GRIK4: variants seen among roughly 807,000 people sequenced by gnomAD.
GRIK4 encodes glutamate receptor ionotropic, kainate 4.
In GRIK4, 40 loss-of-function variants were observed where a neutral mutation model predicts 104.9. The observed-to-expected ratio is 0.38, with a 90% CI of 0.30 to 0.50. GRIK4 has a LOEUF of 0.50. Ranked by LOEUF, GRIK4 falls within the 20% of genes least tolerant of loss-of-function variation. The pLI is 0.93. For synonymous variants in GRIK4, 485 were observed against 524.9 expected, an observed-to-expected ratio of 0.92 and a Z score of 1.04; for missense variants, 1,047 against 1,308.1, an observed-to-expected ratio of 0.80 and a Z score of 3.08.
chr11:120,517,369 G>A (rs1030381865), intron 1 of GRIK4, among the ~76,000 whole-genome samples: 2 of 148,948 alleles, frequency 1.3e-5, no homozygotes, highest in Non-Finnish European at 3.0e-5. Context: ...AGGCTCCTTG[G>A]TGCGATCCTC....
At chr11:120,835,273 A>G (rs1953544071) in intron 7 of GRIK4, among the ~76,000 whole-genome samples, 1 of 152,136 alleles carries the variant, frequency 6.6e-6, no homozygotes, top group Non-Finnish European at 1.5e-5. Flanking sequence ...CACGCCTGTA[A>G]TCCCAGCACT....
intron 1 of GRIK4, among the ~76,000 whole-genome samples, chr11:120,563,818 G>A (rs1046042219): frequency 6.6e-6 from 1 of 152,196 alleles, no homozygotes; most frequent in Non-Finnish European, 1.5e-5. Flanking sequence ...TCCACCTGCT[G>A]TTTCACTGCT....
intron 1 of GRIK4, among the ~76,000 whole-genome samples, chr11:120,582,305 T>C (rs1948595407): frequency 6.6e-6 from 1 of 151,772 alleles, no homozygotes; most frequent in African/African-American, 2.4e-5. Flanking sequence ...TATATATGTG[T>C]ATATATATAA....
intron 5 of GRIK4, among the ~76,000 whole-genome samples, chr11:120,818,668 GA>G (rs2135540831): frequency 6.6e-6 from 1 of 152,328 alleles, no homozygotes; most frequent in East Asian, 1.9e-4. Flanking sequence ...TAAAGTAGGA[GA>G]CTCCTACAGA....
chr11:120,950,065 A>G (rs1943962075), intron 14 of GRIK4, among the ~76,000 whole-genome samples: 2 of 152,232 alleles, frequency 1.3e-5, no homozygotes, highest in African/African-American at 2.4e-5. Flanking sequence ...AACCATCCAC[A>G]TAGAAAAAAA....
intron 19 of GRIK4, among the ~76,000 whole-genome samples, chr11:120,972,897 G>T (rs576967349): frequency 2.0e-5 from 3 of 152,036 alleles, no homozygotes; most frequent in Non-Finnish European, 4.4e-5. Context: ...CGTAAGAGGC[G>T]GCACGTAGGG....
chr11:120,926,971 G>A (rs988291685), intron 13 of GRIK4, among the ~76,000 whole-genome samples: 1 of 152,212 alleles, frequency 6.6e-6, no homozygotes, highest in Admixed American at 6.5e-5. Context: ...TGATGGCATG[G>A]TGCTTGAGCT....
At chr11:120,718,977 C>T (rs776066159) in intron 3 of GRIK4, among the ~76,000 whole-genome samples, 25 of 152,168 alleles carry the variant, frequency 1.6e-4, no homozygotes, top group Non-Finnish European at 3.2e-4. Context: ...CCTCCCCTTT[C>T]TAGAATAAGG....
At chr11:120,579,919 C>G (rs1948546812) in intron 1 of GRIK4, among the ~76,000 whole-genome samples, 1 of 152,172 alleles carries the variant, frequency 6.6e-6, no homozygotes. Flanking sequence ...CCCCACCTCC[C>G]ACCCTTGGCG....
chr11:120,695,593 C>CT (rs1950433375), intron 3 of GRIK4, among the ~76,000 whole-genome samples: 1 of 152,092 alleles, frequency 6.6e-6, no homozygotes. Context: ...CCTGCGGGGT[C>CT]TGGCCTACCC....
intron 13 of GRIK4, among the ~76,000 whole-genome samples, chr11:120,910,616 C>T (rs1314443900): frequency 1.3e-5 from 2 of 152,168 alleles, no homozygotes; most frequent in African/African-American, 2.4e-5. Flanking sequence ...AAGCAGATGC[C>T]CCAGGACTAA....
At chr11:120,610,017 C>G (rs1301225153) in intron 1 of GRIK4, among the ~76,000 whole-genome samples, 1 of 152,182 alleles carries the variant, frequency 6.6e-6, no homozygotes, top group Non-Finnish European at 1.5e-5. Flanking sequence ...TCTCTGTGAG[C>G]CTTTGATATG....
intron 5 of GRIK4, among the ~76,000 whole-genome samples, chr11:120,816,415 G>T (rs1378584973): frequency 1.3e-5 from 2 of 152,102 alleles, no homozygotes; most frequent in African/African-American, 4.8e-5. Context: ...TGGGGGCGGG[G>T]GCAGGGACAT....
chr11:120,702,749 T>C (rs1455440865), intron 3 of GRIK4, among the ~76,000 whole-genome samples: 2 of 152,146 alleles, frequency 1.3e-5, no homozygotes, highest in African/African-American at 4.8e-5. Flanking sequence ...GCTCTGGAGA[T>C]TTTTGTTTCA....
chr11:120,967,130 G>A lies in GRIK4; in HGVS notation c.2267-65G>A. 6.5e-7 allele frequency: 1 copy of A among 1,539,060 alleles called. No homozygotes were observed. Among genetic ancestry groups the A allele is most frequent in the Non-Finnish European group, 8.8e-7 (1 of 1,134,966 alleles). On this transcript the variant is annotated intron_variant, in intron 18 of 20. Transcript: ENST00000527524. The surrounding 1 kb of genome is among the most constrained non-coding windows in gnomAD (Gnocchi z 4.2). ...TGGCCAGGAGGTGTGCCGGGAAGGG[G>A]AGCAGAGTGACACCTAACAGGGCAT...
intron 15 of GRIK4, among the ~76,000 whole-genome samples, chr11:120,954,639 G>C (rs11218082): frequency 0.15 from 22,148 of 152,008 alleles, 2,035 homozygotes; most frequent in East Asian, 0.33. Context: ...CAGCAGCCTA[G>C]AGCTTTCAAC....
At chr11:120,565,375 AT>A (rs759730304) in intron 1 of GRIK4, among the ~76,000 whole-genome samples, 5 of 152,248 alleles carry the variant, frequency 3.3e-5, no homozygotes, top group Non-Finnish European at 7.3e-5. Flanking sequence ...TCCTCCTTTA[AT>A]TAGCAGGAAT....
At chr11:120,901,017 C>A (rs1357865872) in intron 12 of GRIK4, among the ~76,000 whole-genome samples, 2 of 152,206 alleles carry the variant, frequency 1.3e-5, no homozygotes, top group African/African-American at 2.4e-5. Context: ...TTCTATCCAT[C>A]CGCAAAGCCC....
intron 18 of GRIK4, 174 bp downstream of exon 18, chr11:120,962,855 A>G (rs1944315928): frequency 9.3e-6 from 5 of 536,046 alleles, no homozygotes; most frequent in Non-Finnish European, 1.6e-5. Context: ...AAACACACAT[A>G]TTTCCTTTAA....
Sources: allele counts gnomAD v4.1 joint callset (sites outside exome capture counted in the v4.1 genomes callset), GRCh38; gene constraint gnomAD v4.1.1; non-coding constraint Gnocchi (gnomAD v3.1); transcripts MANE v1.5; gene names NCBI Gene and HGNC (gene_info 2026-07-23, HGNC 2026-07-21).